GRM5: variants seen among roughly 807,000 people sequenced by gnomAD.
The protein encoded by GRM5 is glutamate metabotropic receptor 5, also known as metabotropic glutamate receptor 5.
A neutral mutation model predicts 83.1 loss-of-function variants in GRM5; 19 were observed. The ratio of observed to expected loss-of-function variants is 0.23; its 90% CI spans 0.16 to 0.34. The LOEUF (loss-of-function observed/expected upper bound fraction) is 0.34. GRM5 is among the 10% of genes least tolerant of loss of function. GRM5 has a pLI of 1.00. For missense variants in GRM5, 1,160 were observed against 1,588.3 expected, an observed-to-expected ratio of 0.73 and a Z score of 4.58; for synonymous variants, 675 against 633.6, an observed-to-expected ratio of 1.07 and a Z score of -0.98.
chr11:88,563,114 G>A (rs1942794698), intron 8 of GRM5, among the ~76,000 whole-genome samples: 1 of 152,114 alleles, frequency 6.6e-6, no homozygotes, highest in Non-Finnish European at 1.5e-5. Flanking sequence ...AATTCTAAAA[G>A]GTTGAGGTAG....
chr11:88,949,923 G>A (rs1938403881), intron 2 of GRM5, among the ~76,000 whole-genome samples: 2 of 152,220 alleles, frequency 1.3e-5, no homozygotes. Context: ...GGAGTGCAGT[G>A]GCACAGTCTC....
chr11:88,516,919 C>T (rs1941536326), intron 9 of GRM5, among the ~76,000 whole-genome samples: 1 of 152,002 alleles, frequency 6.6e-6, no homozygotes, highest in South Asian at 2.1e-4. Context: ...TCTTTCCTTT[C>T]TCTGGACCCT....
chr11:88,765,561 A>C (rs1273997341), intron 3 of GRM5, among the ~76,000 whole-genome samples: 2 of 151,710 alleles, frequency 1.3e-5, no homozygotes, highest in Non-Finnish European at 3.0e-5. Context: ...ATGGTTTTTG[A>C]GAAGGGTGTC....
intron 2 of GRM5, among the ~76,000 whole-genome samples, chr11:89,041,713 G>T (rs565135258): frequency 1.3e-5 from 2 of 152,280 alleles, no homozygotes; most frequent in African/African-American, 4.8e-5. Flanking sequence ...TTCTGACAGT[G>T]ATATATGAAT....
intron 9 of GRM5, among the ~76,000 whole-genome samples, chr11:88,509,831 A>G (rs922672136): frequency 6.6e-6 from 1 of 152,178 alleles, no homozygotes; most frequent in South Asian, 2.1e-4. Flanking sequence ...GCAGCAGCAC[A>G]CAGATGCAAG....
intron 3 of GRM5, among the ~76,000 whole-genome samples, chr11:88,729,882 A>C (rs1474646129): frequency 6.6e-6 from 1 of 152,216 alleles, no homozygotes; most frequent in Non-Finnish European, 1.5e-5. Context: ...AATTAACTCA[A>C]GATGTGTTAA....
At chr11:88,518,686 C>T (rs1941592607) in intron 9 of GRM5, among the ~76,000 whole-genome samples, 1 of 151,882 alleles carries the variant, frequency 6.6e-6, no homozygotes, top group Admixed American at 6.6e-5. Context: ...CCAATCCTGA[C>T]CACCATCCAA....
At chr11:88,725,644 G>A (rs938490023) in intron 3 of GRM5, among the ~76,000 whole-genome samples, 2 of 152,114 alleles carry the variant, frequency 1.3e-5, no homozygotes, top group African/African-American at 4.8e-5. Flanking sequence ...AGCTCTAGCT[G>A]GCATCTGGTG....
chr11:88,672,511 G>A (rs1940220138), intron 3 of GRM5, among the ~76,000 whole-genome samples: 1 of 151,880 alleles, frequency 6.6e-6, no homozygotes, highest in African/African-American at 2.4e-5. Flanking sequence ...ATGTCTTGAA[G>A]AAAAGTTATT....
chr11:88,985,944 A>G (rs1939692003), intron 2 of GRM5, among the ~76,000 whole-genome samples: 1 of 152,204 alleles, frequency 6.6e-6, no homozygotes, highest in Admixed American at 6.5e-5. Context: ...TCTGGAAAAC[A>G]TTTTGGCAGT....
intron 2 of GRM5, among the ~76,000 whole-genome samples, chr11:89,035,466 A>G (rs1287189930): frequency 6.6e-6 from 1 of 151,982 alleles, no homozygotes; most frequent in African/African-American, 2.4e-5. Flanking sequence ...AATATATGAC[A>G]GTTGAAAAGA....
At chr11:88,783,795 T>C (rs959545520) in intron 3 of GRM5, among the ~76,000 whole-genome samples, 2 of 152,044 alleles carry the variant, frequency 1.3e-5, no homozygotes, top group Non-Finnish European at 2.9e-5. Flanking sequence ...GCATTAGTTC[T>C]CTTATGAAAA....
intron 2 of GRM5, among the ~76,000 whole-genome samples, chr11:88,887,403 T>C (rs1945061282): frequency 6.6e-6 from 1 of 152,094 alleles, no homozygotes; most frequent in Non-Finnish European, 1.5e-5. Context: ...CCAACTATTA[T>C]GTAGTTTTTT....
At chr11:88,821,344 C>CAAAAA (rs375051761) in intron 3 of GRM5, among the ~76,000 whole-genome samples, 1,236 of 68,030 alleles carry the variant, frequency 0.018, 26 homozygotes, top group Admixed American at 0.11. Flanking sequence ...CTTGAGGGGC[C>CAAAAA]AAAAAAAAAA....
intron 9 of GRM5, among the ~76,000 whole-genome samples, chr11:88,516,260 C>A (rs1486935249): frequency 1.3e-5 from 2 of 152,062 alleles, no homozygotes; most frequent in Non-Finnish European, 2.9e-5. Flanking sequence ...TTAACTAAGT[C>A]GACCAAGTCA....
In GRM5 at chr11:89,061,097, A is replaced by C. The variant is rs1009800402; in HGVS notation, c.-201+4679T>G. Among the ~76,000 whole-genome samples, 4 of 152,166 alleles carry C rather than the reference A, an allele frequency of 2.6e-5. No homozygotes were observed. The East Asian group carries it at 7.7e-4, about 29-fold the overall frequency. On this transcript the variant is annotated intron_variant, in intron 1 of 9. Coordinates refer to ENST00000305447, the MANE Select transcript of GRM5 (RefSeq NM_001143831.3). ...TCATATAACATATATGTATATCAAC[A>C]TATATAAAAAGTAGTATCTAATATT...
chr11:88,817,822 TTAAG>T (rs1260304693), intron 3 of GRM5, among the ~76,000 whole-genome samples: 2 of 152,126 alleles, frequency 1.3e-5, no homozygotes, highest in East Asian at 1.9e-4. Context: ...TTTAAATAAA[TTAAG>T]TAACTTGGCT....
intron 7 of GRM5, among the ~76,000 whole-genome samples, chr11:88,575,315 A>T (rs1362705995): frequency 6.6e-6 from 1 of 152,172 alleles, no homozygotes; most frequent in Non-Finnish European, 1.5e-5. Flanking sequence ...GGTAAATATC[A>T]TTATCTCTAT....
At chr11:89,057,907 C>A (rs1941911131) in intron 1 of GRM5, among the ~76,000 whole-genome samples, 1 of 151,950 alleles carries the variant, frequency 6.6e-6, no homozygotes, top group East Asian at 1.9e-4. Flanking sequence ...TCACAATAAC[C>A]CTGTAAGGTA....
Sources: allele counts gnomAD v4.1 joint callset (sites outside exome capture counted in the v4.1 genomes callset), GRCh38; gene constraint gnomAD v4.1.1; transcripts MANE v1.5; gene names NCBI Gene and HGNC (gene_info 2026-07-23, HGNC 2026-07-21).